The following EPHX4 variants were observed in gnomAD, a reference collection of about 807,000 sequenced individuals.
EPHX4 encodes epoxide hydrolase 4.
Under a neutral mutation model 44.9 loss-of-function variants are expected in EPHX4, and 31 were observed. The ratio of observed to expected loss-of-function variants is 0.69; its 90% confidence interval spans 0.52 to 0.93. EPHX4 has a LOEUF of 0.93. Ranked by LOEUF, EPHX4 falls within the 40% of genes least tolerant of loss-of-function variation. EPHX4 has a pLI of 0.00. For missense variants in EPHX4, 373 were observed against 438.1 expected, an observed-to-expected ratio of 0.85 and a Z score of 1.33; for synonymous variants, 151 against 159.7, an observed-to-expected ratio of 0.95 and a Z score of 0.41.
intron 2 of EPHX4, among the ~76,000 whole-genome samples, chr1:92,042,224 A>C (rs976741328): frequency 2.0e-5 from 3 of 152,022 alleles, no homozygotes; most frequent in African/African-American, 4.8e-5. Context: ...ATTAAGACAT[A>C]TATAAGTACA....
Position 92,030,266 on chromosome 1 carries a change from C to A in EPHX4, c.187C>A (p.Leu63Met), listed in dbSNP as rs753501425. 10 of 1,601,396 alleles carry A rather than the reference C, an allele frequency of 6.2e-6. No individual in the cohort carries two copies. The highest frequency in any genetic ancestry group is 8.5e-6 in the Non-Finnish European group (10 of 1,174,472). ...CGCCCGGGAGCACCCTCCCGCGTGCCTGAGCGACCCCTCCTTGGGCACCCA... is the reference window on the plus strand; with the variant it reads ...CGCCCGGGAGCACCCTCCCGCGTGCATGAGCGACCCCTCCTTGGGCACCCA... ...RPAREHPPAC[L>M]SDPSLGTHCY... is the part of the protein sequence containing the mutation. Residue 63 changes from leucine (L) to methionine (M), a missense_variant, in exon 1 of 7, where the codon CTG (leucine) becomes ATG (methionine). Transcript: ENST00000370383.
chr1:92,063,415 T>C lies in EPHX4; in HGVS notation c.*129T>C. 1.6e-6 allele frequency: 1 copy of C among 640,136 alleles called. No homozygotes were observed. The allele number at this position is 640,136 out of a possible 1,614,324, so 39.7% of individuals were successfully genotyped here. A position where few individuals can be genotyped will look rare whatever the true frequency, so the allele number is the denominator to read the frequency against. ...TGTGCTTTATCATAAATAAATATCC[T>C]GACAAATGGTATTGAAAAAAATCTG... On this transcript the variant is annotated 3_prime_UTR_variant, in exon 7 of 7. Transcript: ENST00000370383.
At position 92,045,621 on chromosome 1, in the gene EPHX4, C is replaced by A. The variant is rs762123121; in HGVS notation, c.565C>A (p.Leu189Ile). 6.2e-7 allele frequency: 1 copy of A among 1,613,916 alleles called. No individual in the cohort carries two copies. The highest frequency in any genetic ancestry group is 8.5e-7 in the Non-Finnish European group (1 of 1,179,906). The change falls in exon 4 of 7, where the codon CTT (leucine) becomes ATT (isoleucine). Residue 189 changes from leucine (L) to isoleucine (I), a missense_variant. Leu to Ile is a conservative substitution (Grantham distance 5). Transcript: ENST00000370383. ...CTGTTATCCTGAAATGGTGATGAAG[C>A]TTATTGTTATTAACTTCCCTCATCC... ...AICYPEMVMK[L>I]IVINFPHPNV...
chr1:92,030,485 T>TGTGTGTGTGTGTGTGTGTGTGAGTGAGA (rs1326928763), intron 1 of EPHX4, among the ~76,000 whole-genome samples, 175 bp downstream of exon 1: 1 of 138,652 alleles, frequency 7.2e-6, no homozygotes, highest in African/African-American at 2.8e-5. Context: ...TGTGTGTGTG[T>TGTGTGTGTGTGTGTGTGTGTGAGTGAGA]GAGAGAGAGA....
chr1:92,045,703 A>G (rs1688573114), intron 4 of EPHX4, 43 bp downstream of exon 4: 1 of 1,609,756 alleles, frequency 6.2e-7, no homozygotes, highest in African/African-American at 1.3e-5. Context: ...TAATGTGACA[A>G]TTCACTCTTG....
At position 92,033,442 on chromosome 1, in the gene EPHX4, C is replaced by T. The variant is rs143496354; in HGVS notation, c.317+852C>T. ...AGTATCTACTATAGACAAAATACAA[C>T]ACTGGGTAGGGAAAGGAGATTTTAA... On this transcript the variant is annotated intron_variant, in intron 2 of 6. Coordinates refer to ENST00000370383, the MANE Select transcript of EPHX4 (RefSeq NM_173567.5). Among the ~76,000 whole-genome samples, 417 of 152,100 alleles carry T rather than the reference C, an allele frequency of 2.7e-3. 1 individual carries two copies. Among genetic ancestry groups the T allele is most frequent in the Middle Eastern group, 3.4e-3 (1 of 294 alleles).
intron 6 of EPHX4, among the ~76,000 whole-genome samples, chr1:92,060,642 G>T (rs919927712): frequency 6.6e-6 from 1 of 151,616 alleles, no homozygotes; most frequent in African/African-American, 2.4e-5. Context: ...TAGGTAGCCG[G>T]GTGCGATGGC....
chr1:92,052,167 G>T (rs1570695649), intron 5 of EPHX4, among the ~76,000 whole-genome samples: 2 of 152,218 alleles, frequency 1.3e-5, no homozygotes, highest in Non-Finnish European at 2.9e-5. Context: ...AATGCCCTGG[G>T]CTTATCTTTT....
intron 6 of EPHX4, 93 bp downstream of exon 6, chr1:92,052,751 C>T: frequency 2.7e-6 from 3 of 1,131,560 alleles, no homozygotes; most frequent in Non-Finnish European, 3.6e-6. Flanking sequence ...CACCACTTAT[C>T]CAAAGACTCA....
intron 2 of EPHX4, among the ~76,000 whole-genome samples, chr1:92,035,957 A>C (rs1688431760): frequency 6.6e-6 from 1 of 152,220 alleles, no homozygotes; most frequent in South Asian, 2.1e-4. Context: ...TTCTATAGGA[A>C]TTATAGTAAT....
intron 2 of EPHX4, among the ~76,000 whole-genome samples, chr1:92,041,716 C>T (rs1240835304): frequency 6.6e-6 from 1 of 152,132 alleles, no homozygotes; most frequent in Non-Finnish European, 1.5e-5. Context: ...TCCCTGGTGG[C>T]TATACACACC....
At chr1:92,059,858 GTT>G (rs35027584) in intron 6 of EPHX4, among the ~76,000 whole-genome samples, 1 of 146,832 alleles carries the variant, frequency 6.8e-6, no homozygotes, top group African/African-American at 2.5e-5. Context: ...CAGTAGAGAA[GTT>G]TTTTTTTTTT....
chr1:92,044,784 T>C (rs558950331), intron 3 of EPHX4, among the ~76,000 whole-genome samples: 1 of 152,294 alleles, frequency 6.6e-6, no homozygotes, highest in Admixed American at 6.5e-5. Context: ...GAGACATTTA[T>C]AATTTTACTA....
intron 5 of EPHX4, 30 bp downstream of exon 5, chr1:92,050,450 A>T: frequency 2.9e-6 from 3 of 1,030,768 alleles, no homozygotes; most frequent in Non-Finnish European, 4.2e-6. Context: ...CAAATAATGT[A>T]TTATTATTAT....
chr1:92,032,057 A>G (rs2101864680), intron 1 of EPHX4, among the ~76,000 whole-genome samples: 1 of 152,360 alleles, frequency 6.6e-6, no homozygotes, highest in Non-Finnish European at 1.5e-5. Context: ...GGATGTAAAC[A>G]TGGCAGAAAT....
chr1:92,042,617 T>C (rs1392819307), intron 2 of EPHX4, among the ~76,000 whole-genome samples: 2 of 150,088 alleles, frequency 1.3e-5, no homozygotes, highest in Non-Finnish European at 3.0e-5. Flanking sequence ...CTCGGCTTTT[T>C]AGGAAACTGA....
chr1:92,043,469 A>T (rs1033124023), intron 3 of EPHX4: 2 of 152,126 alleles, frequency 1.3e-5, no homozygotes, highest in African/African-American at 4.8e-5. Context: ...AAAAAAAAAA[A>T]AAAAATAGAC....
chr1:92,059,555 CATAG>C (rs1433572987), intron 6 of EPHX4, among the ~76,000 whole-genome samples: 3 of 152,142 alleles, frequency 2.0e-5, no homozygotes, highest in Non-Finnish European at 2.9e-5. Context: ...AATAATAATT[CATAG>C]ATAATGTGTT....
intron 6 of EPHX4, among the ~76,000 whole-genome samples, chr1:92,056,386 C>T (rs1359991087): frequency 6.6e-6 from 1 of 152,046 alleles, no homozygotes; most frequent in Non-Finnish European, 1.5e-5. Context: ...AGCTATAGAA[C>T]CTGTACTGCA....
Sources: allele counts gnomAD v4.1 joint callset (sites outside exome capture counted in the v4.1 genomes callset), GRCh38; gene constraint gnomAD v4.1.1; transcripts MANE v1.5; gene names NCBI Gene and HGNC (gene_info 2026-07-23, HGNC 2026-07-21).